B4GALT7: variants seen among roughly 807,000 people sequenced by gnomAD.
B4GALT7 encodes the protein beta-1,4-galactosyltransferase 7, also known as UDP-Gal:beta-GlcNAc beta-1,4-galactosyltransferase 7.
Under a neutral mutation model 33.0 loss-of-function variants are expected in B4GALT7, and 30 were observed. That is an observed-to-expected ratio of 0.91 (90% CI 0.68 to 1.23). The LOEUF (loss-of-function observed/expected upper bound fraction) is 1.23, where lower values mean the gene tolerates loss of function less well. Among genes scored for constraint, B4GALT7 ranks in the 50% most tolerant of loss-of-function variants. B4GALT7 has a pLI of 0.00. For missense variants in B4GALT7, 507 were observed against 450.8 expected, an observed-to-expected ratio of 1.12 and a Z score of -1.13; for synonymous variants, 213 against 187.2, an observed-to-expected ratio of 1.14 and a Z score of -1.13.
Position 177,603,853 on chromosome 5 carries a change from T to C in B4GALT7, c.51-326T>C, listed in dbSNP as rs556336443. Among the ~76,000 whole-genome samples the C allele has an allele frequency of 8.5e-5, 13 of 152,230 alleles. No individual in the cohort carries two copies. The South Asian group carries it at 2.5e-3, about 29-fold the overall frequency. ...GGAGCACCTGCAAGTGACAGGAGCC[T>C]CCTCATCCTTGCCCTGAGCAGCTCT... On this transcript the variant is annotated intron_variant, in intron 1 of 5. Transcript: ENST00000029410.
chr5:177,600,364 CG>C lies in B4GALT7; in HGVS notation c.50+107del, dbSNP rs1365104373. 1.1e-4 allele frequency: 106 copies of C among 999,732 alleles called. No homozygotes were observed. In the East Asian group the frequency reaches 3.5e-3, roughly 33 times the overall value. 61.9% of individuals were successfully genotyped at this position (999,732 alleles called of 1,614,324 possible). A position where few individuals can be genotyped will look rare whatever the true frequency, so the allele number is the denominator to read the frequency against. On this transcript the variant is annotated intron_variant, in intron 1 of 5. Transcript: ENST00000029410. The surrounding 1 kb of genome is among the most constrained non-coding windows in gnomAD (Gnocchi z 4.4). Reference sequence around the variant, plus strand: ...CGAGGCCATCACGTCTCCATGTCTGCGGGTTTCTGTGAGGGCGTGTGGTTCT... The same window carrying C: ...CGAGGCCATCACGTCTCCATGTCTGCGGTTTCTGTGAGGGCGTGTGGTTCT...
chr5:177,608,496 C>CG lies in B4GALT7; in HGVS notation c.640-43_640-42insG, dbSNP rs779641314. The CG allele has an allele frequency of 1.1e-5, 17 of 1,562,570 alleles. 1 individual carries two copies. The African/African-American group carries it at 1.4e-4, about 12-fold the overall frequency. On this transcript the variant is annotated intron_variant, in intron 3 of 5. Transcript: ENST00000029410. The surrounding 1 kb of genome is among the most constrained non-coding windows in gnomAD (Gnocchi z 4.1). The stretch of plus-strand genomic sequence containing the variant: ...CGGTAGGAGACCAAAGGCCCCCCCC[C>CG]CCGGGAAGATGGGCCGAGTGACGCT...
intron 1 of B4GALT7, among the ~76,000 whole-genome samples, chr5:177,601,119 A>G (rs1387435080): frequency 2.6e-5 from 4 of 152,156 alleles, no homozygotes; most frequent in Admixed American, 1.3e-4. Context: ...GTCAGGTGCC[A>G]TAAGATTCTG....
intron 2 of B4GALT7, 128 bp from the exon 3 acceptor site, chr5:177,607,174 A>G: frequency 1.3e-6 from 1 of 786,866 alleles, no homozygotes; most frequent in Non-Finnish European, 2.2e-6. Context: ...GGACTGCCCC[A>G]CAGGCTGAGT....
Position 177,608,467 on chromosome 5 carries a change from C to A in B4GALT7, c.640-72C>A. 2 of 1,409,464 alleles carry A rather than the reference C, an allele frequency of 1.4e-6. No homozygotes were observed. The highest frequency in any genetic ancestry group is 2.0e-6 in the Non-Finnish European group (2 of 998,006). The allele number at this position is 1,409,464 out of a possible 1,614,324, so 87.3% of individuals were successfully genotyped here. On this transcript the variant is annotated intron_variant, in intron 3 of 5. Coordinates refer to ENST00000029410, the MANE Select transcript of B4GALT7 (RefSeq NM_007255.3). The surrounding 1 kb of genome is among the most constrained non-coding windows in gnomAD (Gnocchi z 4.1). ...AGGCGCTGGGGGAGAGGGGCACTCC[C>A]GAGCGGTAGGAGACCAAAGGCCCCC... is the stretch of plus-strand genomic sequence containing the variant.
chr5:177,601,107 C>T (rs1767832382), intron 1 of B4GALT7, among the ~76,000 whole-genome samples: 1 of 152,192 alleles, frequency 6.6e-6, no homozygotes, highest in African/African-American at 2.4e-5. Flanking sequence ...TTTCTTAAGT[C>T]CGTCAGGTGC....
rs138973879 is a variant in B4GALT7 at position 177,609,668 on chromosome 5, C to T, written c.957C>T (p.Thr319=). 63 of 1,613,042 alleles carry T rather than the reference C, an allele frequency of 3.9e-5. No homozygotes were observed. The highest frequency in any genetic ancestry group is 1.7e-4 in the Middle Eastern group (1 of 5,914). Reference sequence around the variant, plus strand: ...ACATCATGTTGGACTGTGACAAGACCGCCACACCCTGGTGCACATTCAGCT... The same window carrying T: ...ACATCATGTTGGACTGTGACAAGACTGCCACACCCTGGTGCACATTCAGCT... ...VLNIMLDCDK[T]ATPWCTFS The change falls in exon 6 of 6, where the codon ACC becomes ACT. Residue 319 remains threonine (T), a synonymous_variant. Transcript: ENST00000029410.
intron 1 of B4GALT7, chr5:177,601,584 T>C (rs1767852991): frequency 6.6e-6 from 1 of 152,272 alleles, no homozygotes; most frequent in Admixed American, 6.5e-5. Context: ...TTCTGTGCTT[T>C]TGACACAGGG....
At position 177,608,396 on chromosome 5, in the gene B4GALT7, G is replaced by A. The variant is rs1031896859; in HGVS notation, c.640-143G>A. ...CGGGACGCGCTGCTTCCTGCCGCCC[G>A]CACTGCAGAAGTGCAGGAGCCTGCA... is the stretch of plus-strand genomic sequence containing the variant. On this transcript the variant is annotated intron_variant, in intron 3 of 5. Coordinates refer to ENST00000029410, the MANE Select transcript of B4GALT7 (RefSeq NM_007255.3). The surrounding 1 kb of genome is among the most constrained non-coding windows in gnomAD (Gnocchi z 4.1). 1.7e-5 allele frequency: 12 copies of A among 703,672 alleles called. No homozygotes were observed. The highest frequency in any genetic ancestry group is 3.6e-5 in the African/African-American group (2 of 56,312). The allele number at this position is 703,672 out of a possible 1,614,324, so 43.6% of individuals were successfully genotyped here.
chr5:177,609,075 G>A (rs554852109), intron 5 of B4GALT7, 61 bp downstream of exon 5: 4 of 1,468,414 alleles, frequency 2.7e-6, no homozygotes, highest in East Asian at 2.3e-5. Context: ...CAGCAGGCCC[G>A]GGCTTTCACC....
Position 177,604,331 on chromosome 5 carries a change from C to T in B4GALT7, c.203C>T (p.Thr68Ile), listed in dbSNP as rs1213495069. Residue 68 changes from threonine (T) to isoleucine (I), a missense_variant, in exon 2 of 6, where the codon ACC becomes ATC. By Grantham distance (89) the Thr-to-Ile change is moderately conservative (BLOSUM62 -1). Transcript: ENST00000029410. ...GCAGTCAGGGGACAAGGGCAGGAGA[C>T]CTCGGGCCCTCCCCGTGCCTGCCCC... Reference protein sequence around the residue: ...ARAVRGQGQETSGPPRACPPE... With the variant: ...ARAVRGQGQEISGPPRACPPE... The T allele has an allele frequency of 1.9e-6, 3 of 1,610,672 alleles. No individual in the cohort carries two copies. The highest frequency in any genetic ancestry group is 2.2e-5 in the East Asian group (1 of 44,698).
At position 177,609,818 on chromosome 5, in the gene B4GALT7, A is replaced by G. The variant is rs1415201158; in HGVS notation, c.*123A>G. On this transcript the variant is annotated 3_prime_UTR_variant, in exon 6 of 6. Coordinates refer to ENST00000029410, the MANE Select transcript of B4GALT7 (RefSeq NM_007255.3). ...GTGGCCAGGACCAAGACAGCAAGCTACGCAATTGCAGCCACCCGGCCGCCA... is the reference window on the plus strand; with the variant it reads ...GTGGCCAGGACCAAGACAGCAAGCTGCGCAATTGCAGCCACCCGGCCGCCA... 2.9e-6 allele frequency: 4 copies of G among 1,357,580 alleles called. No homozygotes were observed. The highest frequency in any genetic ancestry group is 4.1e-6 in the Non-Finnish European group (4 of 986,920). 84.1% of individuals were successfully genotyped at this position (1,357,580 alleles called of 1,614,324 possible). A position where few individuals can be genotyped will look rare whatever the true frequency, so the allele number is the denominator to read the frequency against.
chr5:177,602,361 C>A (rs1222205248), intron 1 of B4GALT7, among the ~76,000 whole-genome samples: 9 of 152,200 alleles, frequency 5.9e-5, no homozygotes, highest in African/African-American at 1.9e-4. Context: ...GACTGCCTTA[C>A]CCCTTTCTGT....
intron 2 of B4GALT7, chr5:177,605,757 TC>T (rs1350359898): frequency 6.6e-6 from 1 of 152,240 alleles, no homozygotes; most frequent in Non-Finnish European, 1.5e-5. Flanking sequence ...GGAAAAAGAC[TC>T]CCTGGATCCC....
rs572970952 is a variant in B4GALT7, at chr5:177,609,820, G to C, written c.*125G>C. ...GGCCAGGACCAAGACAGCAAGCTAC[G>C]CAATTGCAGCCACCCGGCCGCCAAG... On this transcript the variant is annotated 3_prime_UTR_variant, in exon 6 of 6. Transcript: ENST00000029410. 3.0e-6 allele frequency: 4 copies of C among 1,327,940 alleles called. No homozygotes were observed. The highest frequency in any genetic ancestry group is 4.1e-5 in the Admixed American group (2 of 49,172). The allele number at this position is 1,327,940 out of a possible 1,614,324, so 82.3% of individuals were successfully genotyped here.
chr5:177,603,828 G>A (rs1767902500), intron 1 of B4GALT7, among the ~76,000 whole-genome samples: 1 of 152,158 alleles, frequency 6.6e-6, no homozygotes, highest in South Asian at 2.1e-4. Flanking sequence ...ATCGTGGGGA[G>A]GAGCACCTGC....
At position 177,604,341 on chromosome 5, in the gene B4GALT7, T is replaced by G. The variant is rs2127511544; in HGVS notation, c.213T>G (p.Pro71=). 6.2e-7 allele frequency: 1 copy of G among 1,610,712 alleles called. No individual in the cohort carries two copies. Among genetic ancestry groups the G allele is most frequent in the Non-Finnish European group, 8.5e-7 (1 of 1,178,596 alleles). Residue 71 remains proline, a synonymous_variant, in exon 2 of 6, where the codon CCT becomes CCG. Transcript: ENST00000029410. ...VRGQGQETSG[P]PRACPPEPPP... is the part of the protein sequence containing the mutation. ...GACAAGGGCAGGAGACCTCGGGCCCTCCCCGTGCCTGCCCCCCAGAGCCGC... is the reference window on the plus strand; with the variant it reads ...GACAAGGGCAGGAGACCTCGGGCCCGCCCCGTGCCTGCCCCCCAGAGCCGC...
intron 2 of B4GALT7, 119 bp downstream of exon 2, chr5:177,604,660 C>T: frequency 7.5e-7 from 1 of 1,336,692 alleles, no homozygotes; most frequent in East Asian, 2.3e-5. Context: ...ACCCCTCTCA[C>T]TGGGTGTGAC....
chr5:177,607,890 T>G (rs1366320668), intron 3 of B4GALT7: 15 of 366,454 alleles, frequency 4.1e-5, no homozygotes, highest in Non-Finnish European at 7.3e-5. Flanking sequence ...TGGTTGTTAC[T>G]GCAGTCTGTA....
Sources: allele counts gnomAD v4.1 joint callset (sites outside exome capture counted in the v4.1 genomes callset), GRCh38; gene constraint gnomAD v4.1.1; non-coding constraint Gnocchi (gnomAD v3.1); transcripts MANE v1.5; gene names NCBI Gene and HGNC (gene_info 2026-07-23, HGNC 2026-07-21).